Variants in SLC9A5 observed in about 807,000 individuals in gnomAD.
SLC9A5 encodes solute carrier family 9 member A5.
SLC9A5 carries 52 observed loss-of-function variants against 91.7 expected under a neutral mutation model. That is an observed-to-expected ratio of 0.57 (90% confidence interval 0.45 to 0.71). SLC9A5 has a LOEUF of 0.71. SLC9A5 is among the 30% of genes least tolerant of loss of function. The pLI is 0.00. For missense variants in SLC9A5, 871 were observed against 1,158.9 expected, an observed-to-expected ratio of 0.75 and a Z score of 3.61; for synonymous variants, 419 against 474.5, an observed-to-expected ratio of 0.88 and a Z score of 1.52.
intron 12 of SLC9A5, chr16:67,262,581 T>G (rs1182998125): frequency 3.6e-6 from 1 of 280,644 alleles, no homozygotes; most frequent in Non-Finnish European, 7.2e-6. Context: ...TCTTACTAAG[T>G]TCCCCAGGTG....
At position 67,255,493 on chromosome 16, in the gene SLC9A5, G is replaced by A; in HGVS notation, c.733+22G>A. ...GTCGGTCAGTATTTCCCCGCTCCCA[G>A]CTGGCATTGGAGGTCTGCCTCCCCT... is the stretch of plus-strand genomic sequence containing the variant. On this transcript the variant is annotated intron_variant, in intron 4 of 15. Coordinates refer to ENST00000299798, the MANE Select transcript of SLC9A5 (RefSeq NM_004594.3). The surrounding 1 kb of genome is among the most constrained non-coding windows in gnomAD (Gnocchi z 4.9). 3.1e-6 allele frequency: 5 copies of A among 1,611,772 alleles called. No individual in the cohort carries two copies. Among genetic ancestry groups the A allele is most frequent in the Non-Finnish European group, 4.2e-6 (5 of 1,178,014 alleles).
At position 67,252,614 on chromosome 16, in the gene SLC9A5, T is replaced by C. The variant is rs1466509886; in HGVS notation, c.260T>C (p.Leu87Pro). 1.2e-6 allele frequency: 2 copies of C among 1,614,018 alleles called. No homozygotes were observed. The highest frequency in any genetic ancestry group is 1.7e-6 in the Non-Finnish European group (2 of 1,180,046). ...SCLLILLGLV[L>P]GGIVLAVAKK... ...CTGCTGATTTTGCTGGGCCTGGTGC[T>C]AGGGGGAATTGTTTTGGCTGTGGCC... is the stretch of plus-strand genomic sequence containing the variant. Residue 87 changes from leucine (L) to proline (P), a missense_variant, in exon 2 of 16, where the codon CTA becomes CCA. By Grantham distance (98) the Leu-to-Pro change is moderately conservative. Coordinates refer to ENST00000299798, the MANE Select transcript of SLC9A5 (RefSeq NM_004594.3). This position sits in a 1 kb window ranked among gnomAD's most constrained non-coding sequence, Gnocchi z 4.0.
Position 67,249,183 on chromosome 16 carries a change from G to A in SLC9A5, c.169G>A (p.Ala57Thr). The change falls in exon 1 of 16, where the codon GCC becomes ACC. Residue 57 changes from alanine (A) to threonine (T), a missense_variant. Coordinates refer to ENST00000299798, the MANE Select transcript of SLC9A5 (RefSeq NM_004594.3). ...CCTGGTGGCCCTGTGGATCCTGGTG[G>A]CCAGTCTGGCCAAAATCGGTGAGTG... ...PYLVALWILV[A>T]SLAKIVFHLS... is the part of the protein sequence containing the mutation. The A allele has an allele frequency of 6.5e-7, 1 of 1,537,168 alleles. No individual in the cohort carries two copies. The highest frequency in any genetic ancestry group is 8.7e-7 in the Non-Finnish European group (1 of 1,148,054).
chr16:67,255,643 C>A lies in SLC9A5; in HGVS notation c.734-110C>A. The stretch of plus-strand genomic sequence containing the variant: ...GGGATCCTGGCTCTGGGGTTTTGAG[C>A]CCCTGGGAGTGCGGTGGGCATCATC... On this transcript the variant is annotated intron_variant, in intron 4 of 15. Transcript: ENST00000299798. The surrounding 1 kb of genome is among the most constrained non-coding windows in gnomAD (Gnocchi z 4.9). 7.4e-7 allele frequency: 1 copy of A among 1,359,300 alleles called. No individual in the cohort carries two copies. Among genetic ancestry groups the A allele is most frequent in the Non-Finnish European group, 1.0e-6 (1 of 982,518 alleles). 84.2% of individuals were successfully genotyped at this position (1,359,300 alleles called of 1,614,324 possible). A position where few individuals can be genotyped will look rare whatever the true frequency, so the allele number is the denominator to read the frequency against.
At chr16:67,253,306 A>AT (rs896325219) in intron 2 of SLC9A5, among the ~76,000 whole-genome samples, 6 of 151,774 alleles carry the variant, frequency 4.0e-5, no homozygotes, top group Non-Finnish European at 7.4e-5. Flanking sequence ...TTAAACATTT[A>AT]TTTTTTTAAA....
chr16:67,252,978 C>T lies in SLC9A5; in HGVS notation c.490+134C>T. ...AGGTCCCTCCCTCTGGAGTGCAAGG[C>T]AGTGCTCCCGCTGGGGTTCAGGCCT... On this transcript the variant is annotated intron_variant, in intron 2 of 15. Coordinates refer to ENST00000299798, the MANE Select transcript of SLC9A5 (RefSeq NM_004594.3). This position sits in a 1 kb window ranked among gnomAD's most constrained non-coding sequence, Gnocchi z 4.0. The T allele has an allele frequency of 1.3e-6, 1 of 793,154 alleles. No individual in the cohort carries two copies. The highest frequency in any genetic ancestry group is 1.8e-5 in the South Asian group (1 of 54,474). The allele number at this position is 793,154 out of a possible 1,614,324, so 49.1% of individuals were successfully genotyped here.
At chr16:67,267,921 G>A (rs2035771621) in intron 15 of SLC9A5, among the ~76,000 whole-genome samples, 1 of 151,988 alleles carries the variant, frequency 6.6e-6, no homozygotes. Context: ...CCTCACCTAT[G>A]CCCCACCCTC....
intron 15 of SLC9A5, among the ~76,000 whole-genome samples, chr16:67,267,932 C>T (rs1021222913): frequency 6.6e-6 from 1 of 152,222 alleles, no homozygotes; most frequent in African/African-American, 2.4e-5. Context: ...CCCCACCCTC[C>T]ACTGGGTTCC....
Position 67,271,170 on chromosome 16 carries a change from C to T in SLC9A5, c.2651C>T (p.Ser884Phe). The change falls in exon 16 of 16, where the codon TCC becomes TTC. Residue 884 changes from serine (S) to phenylalanine (F), a missense_variant. This residue lies in a region of SLC9A5 where 295 missense variants were observed against 326.0 expected (regional missense o/e 0.90). Transcript: ENST00000299798. ...CATCTCAGCCCAGGCACCGCTACCT[C>T]CCACTGGTGCATCCAGTTCAACAGA... ...HTHLSPGTAT[S>F]HWCIQFNRGS... is the part of the protein sequence containing the mutation. The T allele has an allele frequency of 6.2e-7, 1 of 1,612,986 alleles. No homozygotes were observed. The highest frequency in any genetic ancestry group is 1.1e-5 in the South Asian group (1 of 91,078).
rs1048463206 is a variant in SLC9A5 at position 67,255,440 on chromosome 16, T to C, written c.702T>C (p.Asn234=). Residue 234 remains asparagine (N), a synonymous_variant, in exon 4 of 16, where the codon AAT becomes AAC. Transcript: ENST00000299798. The surrounding 1 kb of genome is among the most constrained non-coding windows in gnomAD (Gnocchi z 4.9). The stretch of plus-strand genomic sequence containing the variant: ...CCTTTGTGGAGATGGGCTCTGCCAA[T>C]GTGCAGGCCACTGACTACCTGAAGG... ...CNSFVEMGSA[N]VQATDYLKGV... is the part of the protein sequence containing the mutation. 9.3e-6 allele frequency: 15 copies of C among 1,614,024 alleles called. No homozygotes were observed. The highest frequency in any genetic ancestry group is 1.3e-5 in the Non-Finnish European group (15 of 1,180,028).
intron 15 of SLC9A5, among the ~76,000 whole-genome samples, chr16:67,266,695 C>T (rs529132821): frequency 3.3e-5 from 5 of 151,942 alleles, no homozygotes; most frequent in Non-Finnish European, 7.4e-5. Context: ...CGTGCACCCC[C>T]ACGCCTGGCT....
intron 14 of SLC9A5, 92 bp downstream of exon 14, chr16:67,265,198 G>A: frequency 8.1e-7 from 1 of 1,227,890 alleles, no homozygotes; most frequent in South Asian, 1.2e-5. Flanking sequence ...CCGCTGTAGG[G>A]TGCATTCAGC....
intron 1 of SLC9A5, among the ~76,000 whole-genome samples, chr16:67,250,571 T>C (rs2035077718): frequency 6.6e-6 from 1 of 152,218 alleles, no homozygotes. Context: ...TTTTCTAGTT[T>C]GGATGACATT....
In SLC9A5 at chr16:67,255,486, G is replaced by A. The variant is rs535349422; in HGVS notation, c.733+15G>A. 58 of 1,613,020 alleles carry A rather than the reference G, an allele frequency of 3.6e-5. No individual in the cohort carries two copies. The Middle Eastern group carries it at 9.9e-4, about 28-fold the overall frequency. On this transcript the variant is annotated intron_variant, in intron 4 of 15. Transcript: ENST00000299798. This position sits in a 1 kb window ranked among gnomAD's most constrained non-coding sequence, Gnocchi z 4.9. ...GAAGGGAGTCGGTCAGTATTTCCCCGCTCCCAGCTGGCATTGGAGGTCTGC... is the reference window on the plus strand; with the variant it reads ...GAAGGGAGTCGGTCAGTATTTCCCCACTCCCAGCTGGCATTGGAGGTCTGC...
intron 1 of SLC9A5, among the ~76,000 whole-genome samples, chr16:67,250,069 C>T (rs1217411849): frequency 1.3e-5 from 2 of 152,182 alleles, no homozygotes; most frequent in African/African-American, 4.8e-5. Flanking sequence ...GCTACTCTCT[C>T]CCCATGGATG....
At chr16:67,262,164 G>A (rs949740320) in intron 12 of SLC9A5, 8 of 402,334 alleles carry the variant, frequency 2.0e-5, no homozygotes, top group Non-Finnish European at 3.6e-5. Flanking sequence ...AATTTGTTAA[G>A]CCTGTTAACT....
rs770945174 is a variant in SLC9A5, at chr16:67,255,089, G to A, written c.559G>A (p.Val187Met). Residue 187 changes from valine (V) to methionine (M), a missense_variant, in exon 3 of 16, where the codon GTG becomes ATG. Physicochemically the swap from Val to Met is conservative, Grantham distance 21. This residue lies in a region of SLC9A5 where 454 missense variants were observed against 718.3 expected (regional missense o/e 0.63). Transcript: ENST00000299798. This position sits in a 1 kb window ranked among gnomAD's most constrained non-coding sequence, Gnocchi z 4.9. ...FGSLISAVDP[V>M]AVLAVFEEVH... Reference sequence around the variant, plus strand: ...GAGCCTCATCTCGGCGGTGGACCCCGTGGCCGTGCTAGCTGTCTTTGAGGA... The same window carrying A: ...GAGCCTCATCTCGGCGGTGGACCCCATGGCCGTGCTAGCTGTCTTTGAGGA... The A allele has an allele frequency of 8.1e-6, 13 of 1,613,914 alleles. No homozygotes were observed. The highest frequency in any genetic ancestry group is 5.3e-5 in the African/African-American group (4 of 74,884).
At chr16:67,251,085 G>T (rs1567404790) in intron 1 of SLC9A5, among the ~76,000 whole-genome samples, 1 of 152,172 alleles carries the variant, frequency 6.6e-6, no homozygotes, top group Non-Finnish European at 1.5e-5. Flanking sequence ...CACCCTTGAT[G>T]CTGGGTATTT....
intron 2 of SLC9A5, 86 bp from the exon 3 acceptor site, chr16:67,254,935 G>A (rs747006365): frequency 1.8e-5 from 24 of 1,354,798 alleles, no homozygotes; most frequent in Non-Finnish European, 2.3e-5. Flanking sequence ...ATCAGCAGGG[G>A]TGGGGCCTGG....
Sources: allele counts gnomAD v4.1 joint callset (sites outside exome capture counted in the v4.1 genomes callset), GRCh38; gene constraint gnomAD v4.1.1; regional missense constraint gnomAD v4.1.1; non-coding constraint Gnocchi (gnomAD v3.1); transcripts MANE v1.5; gene names NCBI Gene and HGNC (gene_info 2026-07-23, HGNC 2026-07-21).